Variants in ATP1A4 observed in about 807,000 individuals in gnomAD.
ATP1A4 encodes sodium/potassium-transporting ATPase subunit alpha-4.
In ATP1A4, 90 loss-of-function variants were observed where a neutral mutation model predicts 114.3. That is an observed-to-expected ratio of 0.79 (90% CI 0.66 to 0.94). The LOEUF is 0.94. ATP1A4 is among the 40% of genes least tolerant of loss of function. The probability of loss-of-function intolerance (pLI) is 0.00; values close to 1 mark genes in which losing one functional copy is unlikely to be tolerated. For synonymous variants in ATP1A4, 511 were observed against 494.1 expected (o/e 1.03, Z -0.45); for missense variants, 1,222 against 1,313.6 (o/e 0.93, Z 1.08).
intron 7 of ATP1A4, among the ~76,000 whole-genome samples, chr1:160,165,927 CA>C (rs1653012476): frequency 6.6e-6 from 1 of 152,010 alleles, no homozygotes; most frequent in Non-Finnish European, 1.5e-5. Flanking sequence ...CAGAATATTC[CA>C]GGGGGGAATA....
chr1:160,181,453 G>A (rs752173344), intron 18 of ATP1A4, among the ~76,000 whole-genome samples: 2 of 151,932 alleles, frequency 1.3e-5, no homozygotes, highest in Non-Finnish European at 2.9e-5. Flanking sequence ...TACTCGGGAG[G>A]CTGAGGCAGG....
At chr1:160,181,158 C>G (rs1159342250) in intron 18 of ATP1A4, among the ~76,000 whole-genome samples, 2 of 152,296 alleles carry the variant, frequency 1.3e-5, no homozygotes, top group East Asian at 3.9e-4. Flanking sequence ...AGTGCTTGTT[C>G]TTGAGAAGCT....
Position 160,152,112 on chromosome 1 carries a change from G to A in ATP1A4, c.72G>A (p.Gly24=), listed in dbSNP as rs763967047. 1 of 1,614,008 alleles carries A rather than the reference G, an allele frequency of 6.2e-7. No individual in the cohort carries two copies. The highest frequency in any genetic ancestry group is 8.5e-7 in the Non-Finnish European group (1 of 1,179,968). The change falls in exon 1 of 22, where the codon GGG becomes GGA. Residue 24 remains glycine, a synonymous_variant. Transcript: ENST00000368081. ...GTCCAAGACGAAGACCTAAAAAAGG[G>A]CTTATCAAGAAAAAAATGGTGAAGA... The part of the protein sequence containing the change: ...DQSPRRRPKK[G]LIKKKMVKRE...
intron 2 of ATP1A4, among the ~76,000 whole-genome samples, chr1:160,154,052 A>G (rs12087755): frequency 0.12 from 18,374 of 152,140 alleles, 1,686 homozygotes; most frequent in African/African-American, 0.25. Flanking sequence ...GTTTTTTGTT[A>G]GTATTCTTTT....
At chr1:160,186,647 A>C (rs1571042383) in intron 21 of ATP1A4, 24 bp from the exon 22 acceptor site, 1 of 1,607,380 alleles carries the variant, frequency 6.2e-7, no homozygotes, top group African/African-American at 1.3e-5. Context: ...CTCCCAGTTC[A>C]CGCTGGCCTC....
chr1:160,171,458 A>G lies in ATP1A4; in HGVS notation c.1681+18A>G, dbSNP rs1243884538. On this transcript the variant is annotated intron_variant, in intron 11 of 21. Transcript: ENST00000368081. ...TGTGCTAGGTGAGGAGCTTTGGGAG[A>G]AGTTTTTAAAAGAATGGCATCAAAA... is the stretch of plus-strand genomic sequence containing the variant. The G allele has an allele frequency of 4.3e-6, 7 of 1,609,472 alleles. No individual in the cohort carries two copies. The highest frequency in any genetic ancestry group is 5.9e-6 in the Non-Finnish European group (7 of 1,176,662).
At chr1:160,157,759 G>A (rs1652719034) in intron 4 of ATP1A4, among the ~76,000 whole-genome samples, 1 of 152,142 alleles carries the variant, frequency 6.6e-6, no homozygotes, top group Non-Finnish European at 1.5e-5. Context: ...AAAGTAACTG[G>A]GGTGAAATGT....
Position 160,155,106 on chromosome 1 carries a change from C to A in ATP1A4, c.269C>A (p.Pro90Gln). ...CGAGGTGGACCCAATACTGTTACCCCACCCCCCACCACTCCAGAATGGGTC... is the reference window on the plus strand; with the variant it reads ...CGAGGTGGACCCAATACTGTTACCCAACCCCCCACCACTCCAGAATGGGTC... ...LTRGGPNTVT[P>Q]PPTTPEWVKF... The change falls in exon 3 of 22, where the codon CCA becomes CAA. Residue 90 changes from proline to glutamine, a missense_variant. Physicochemically the swap from Pro to Gln is moderately conservative, Grantham distance 76. Transcript: ENST00000368081. 6.2e-7 allele frequency: 1 copy of A among 1,612,508 alleles called. No homozygotes were observed. Among genetic ancestry groups the A allele is most frequent in the Non-Finnish European group, 8.5e-7 (1 of 1,178,640 alleles).
At chr1:160,161,374 G>C (rs1361214011) in intron 6 of ATP1A4, among the ~76,000 whole-genome samples, 4 of 152,188 alleles carry the variant, frequency 2.6e-5, no homozygotes, top group Admixed American at 6.5e-5. Context: ...CTTCAAGGGA[G>C]CCCAAGCTAT....
At position 160,186,381 on chromosome 1, in the gene ATP1A4, G is replaced by C. The variant is rs752332357; in HGVS notation, c.3061+14G>C. On this transcript the variant is annotated intron_variant, in intron 21 of 21. Coordinates refer to ENST00000368081, the MANE Select transcript of ATP1A4 (RefSeq NM_144699.4). ...AGCACCCGGATGGTGAGGCTCCCCT[G>C]GGCCCCGCTCTGACTGAGTGGTCAC... The C allele has an allele frequency of 4.4e-6, 7 of 1,599,730 alleles. No individual in the cohort carries two copies. The highest frequency in any genetic ancestry group is 6.0e-6 in the Non-Finnish European group (7 of 1,168,936).
At chr1:160,158,623 TC>T (rs1272641801) in intron 4 of ATP1A4, among the ~76,000 whole-genome samples, 2 of 152,032 alleles carry the variant, frequency 1.3e-5, no homozygotes, top group African/African-American at 4.8e-5. Context: ...CAAGCAATCC[TC>T]CCACCTCGGC....
chr1:160,161,620 A>T (rs1652864759), intron 6 of ATP1A4, among the ~76,000 whole-genome samples: 1 of 152,134 alleles, frequency 6.6e-6, no homozygotes, highest in Admixed American at 6.5e-5. Context: ...ACCATACACT[A>T]CCCACCCTCC....
intron 2 of ATP1A4, 47 bp downstream of exon 2, chr1:160,153,271 T>G (rs1652522722): frequency 6.5e-7 from 1 of 1,547,754 alleles, no homozygotes; most frequent in Non-Finnish European, 8.9e-7. Flanking sequence ...CAACTCTGAC[T>G]GTGAGGCTGC....
At chr1:160,185,944 A>T (rs1178846887) in intron 20 of ATP1A4, among the ~76,000 whole-genome samples, 1 of 151,022 alleles carries the variant, frequency 6.6e-6, no homozygotes, top group African/African-American at 2.4e-5. Context: ...AATTGCAAAA[A>T]ATTAGCTGGG....
intron 20 of ATP1A4, among the ~76,000 whole-genome samples, chr1:160,184,137 G>A (rs138522000): frequency 8.7e-4 from 133 of 152,166 alleles, no homozygotes; most frequent in African/African-American, 2.6e-3. Context: ...ATTTTTAGTA[G>A]AGACGGGGTT....
chr1:160,181,589 C>T (rs1345298431), intron 18 of ATP1A4, 95 bp from the exon 19 acceptor site: 2 of 1,362,300 alleles, frequency 1.5e-6, no homozygotes, highest in Non-Finnish European at 2.0e-6. Context: ...GGACCTGACT[C>T]AGCCCAGGGG....
At chr1:160,165,898 T>C (rs1653011572) in intron 7 of ATP1A4, among the ~76,000 whole-genome samples, 1 of 152,108 alleles carries the variant, frequency 6.6e-6, no homozygotes. Flanking sequence ...ATAGAAAAGA[T>C]GCAAAGATCC....
chr1:160,178,501 C>A (rs928040677), intron 18 of ATP1A4, among the ~76,000 whole-genome samples: 1 of 151,960 alleles, frequency 6.6e-6, no homozygotes, highest in South Asian at 2.1e-4. Flanking sequence ...ATGGTGAAAC[C>A]CCATCTCTAC....
chr1:160,186,378 C>A lies in ATP1A4; in HGVS notation c.3061+11C>A, dbSNP rs1245767527. 8 of 1,602,688 alleles carry A rather than the reference C, an allele frequency of 5.0e-6. No individual in the cohort carries two copies. Among genetic ancestry groups the A allele is most frequent in the Non-Finnish European group, 6.8e-6 (8 of 1,171,278 alleles). On this transcript the variant is annotated intron_variant, in intron 21 of 21. Transcript: ENST00000368081. Reference sequence around the variant, plus strand: ...GTCAGCACCCGGATGGTGAGGCTCCCCTGGGCCCCGCTCTGACTGAGTGGT... The same window carrying A: ...GTCAGCACCCGGATGGTGAGGCTCCACTGGGCCCCGCTCTGACTGAGTGGT...
Sources: allele counts gnomAD v4.1 joint callset (sites outside exome capture counted in the v4.1 genomes callset), GRCh38; gene constraint gnomAD v4.1.1; transcripts MANE v1.5; gene names NCBI Gene and HGNC (gene_info 2026-07-23, HGNC 2026-07-21).